TLE2: variants seen among roughly 807,000 people sequenced by gnomAD.
TLE2 encodes transducin-like enhancer protein 2.
Under a neutral mutation model 97.2 loss-of-function variants are expected in TLE2, and 74 were observed. That is an observed-to-expected ratio of 0.76 (90% CI 0.63 to 0.92). The LOEUF (loss-of-function observed/expected upper bound fraction) is 0.92. Among genes scored for constraint, TLE2 ranks in the 40% least tolerant of loss-of-function variants. The pLI is 0.00. For synonymous variants in TLE2, 499 were observed against 432.1 expected (o/e 1.15, Z -1.92); for missense variants, 1,038 against 1,008.7 (o/e 1.03, Z -0.39).
At chr19:3,003,757 T>C (rs1416185754) in intron 17 of TLE2, among the ~76,000 whole-genome samples, 4 of 151,850 alleles carry the variant, frequency 2.6e-5, no homozygotes, top group Admixed American at 6.6e-5. Flanking sequence ...CAGGCTGGAG[T>C]GCAGTGGTGC....
intron 19 of TLE2, among the ~76,000 whole-genome samples, chr19:3,000,184 G>A (rs2089323872): frequency 6.6e-6 from 1 of 151,150 alleles, no homozygotes; most frequent in Admixed American, 6.6e-5. Context: ...CCATTCTCCT[G>A]CCTCAGCCTC....
Position 3,008,874 on chromosome 19 carries a change from TC to T in TLE2, c.1244del (p.Gly415GlufsTer26), listed in dbSNP as rs1357564875. The T allele has an allele frequency of 1.3e-6, 2 of 1,581,290 alleles. No homozygotes were observed. The highest frequency in any genetic ancestry group is 1.4e-5 in the African/African-American group (1 of 73,908). On this transcript the variant is annotated frameshift_variant, in exon 14 of 20. Coordinates refer to ENST00000262953, the MANE Select transcript of TLE2 (RefSeq NM_003260.5). LOFTEE classifies it high-confidence loss of function. ...VSSSLPSIPG[G>X]KPAYSFHVSA... ...AGCCCCACCCTGGTACTCACGGCTT[TC>T]CCCCAGGGATGCTGGGTAGGGAGGA... is the stretch of plus-strand genomic sequence containing the variant.
At chr19:3,031,343 TGTGTGTG>T (rs1568252918), upstream of TLE2, among the ~76,000 whole-genome samples, 3 of 5,312 alleles carry the variant, frequency 5.6e-4, no homozygotes, top group Non-Finnish European at 1.2e-3. Flanking sequence ...AAGATACAAT[TGTGTGTG>T]TGTGTGTGTG....
chr19:3,020,080 C>G (rs776466836), intron 5 of TLE2: 29 of 364,674 alleles, frequency 8.0e-5, no homozygotes, highest in Non-Finnish European at 1.4e-4. Context: ...GCCAGGAGTT[C>G]GAGACCAGCC....
upstream of TLE2, among the ~76,000 whole-genome samples, chr19:3,046,912 T>TCTCCTCCTCCCC (rs1197310082): frequency 6.5e-5 from 2 of 30,890 alleles, no homozygotes; most frequent in Non-Finnish European, 1.4e-4. Context: ...CCCTCCTCCC[T>TCTCCTCCTCCCC]CTCCTCCTCC....
chr19:3,009,709 CG>C lies in TLE2; in HGVS notation c.1013-8del. On this transcript the variant is annotated splice_region_variant and splice_polypyrimidine_tract_variant and intron_variant, in intron 12 of 19. Coordinates refer to ENST00000262953, the MANE Select transcript of TLE2 (RefSeq NM_003260.5). Reference sequence around the variant, plus strand: ...GTCAGGGGGCTCCTCAGGGCTGAGACGGAAGAGTCGGGGACAGGTTTTGACG... The same window carrying C: ...GTCAGGGGGCTCCTCAGGGCTGAGACGAAGAGTCGGGGACAGGTTTTGACG... 1.2e-6 allele frequency: 2 copies of C among 1,606,104 alleles called. No homozygotes were observed. Among genetic ancestry groups the C allele is most frequent in the Non-Finnish European group, 1.7e-6 (2 of 1,176,812 alleles).
chr19:3,000,499 G>A, intron 19 of TLE2, 148 bp downstream of exon 19: 4 of 643,882 alleles, frequency 6.2e-6, no homozygotes, highest in Non-Finnish European at 1.1e-5. Flanking sequence ...TTTAGTACCT[G>A]GGCGGTAGGG....
chr19:3,008,745 C>T, intron 14 of TLE2, 124 bp downstream of exon 14: 2 of 704,066 alleles, frequency 2.8e-6, no homozygotes, highest in Non-Finnish European at 4.2e-6. Context: ...ACCACTGTGC[C>T]CGGCCCACAC....
Position 3,002,430 on chromosome 19 carries a change from A to G in TLE2, c.1970T>C (p.Leu657Pro). The change falls in exon 18 of 20, where the codon CTG (leucine) becomes CCG (proline). Residue 657 changes from leucine (L) to proline (P), a missense_variant. Leu to Pro is a moderately conservative substitution (Grantham distance 98). Transcript: ENST00000262953. ...VGMESSNVEI[L>P]HVRKPEKYQL... ...GTATTTCTCCGGCTTGCGGACGTGC[A>G]GGATCTCCACGTTGCTACTCTCCAT... 1.2e-6 allele frequency: 2 copies of G among 1,613,108 alleles called. No individual in the cohort carries two copies. The highest frequency in any genetic ancestry group is 1.7e-6 in the Non-Finnish European group (2 of 1,179,596).
intron 1 of TLE2, among the ~76,000 whole-genome samples, chr19:3,045,056 A>C (rs191728352): frequency 6.6e-6 from 1 of 150,884 alleles, no homozygotes; most frequent in East Asian, 2.0e-4. Flanking sequence ...TGTCCCTACA[A>C]AAAAAAAATT....
chr19:3,025,902 C>A (rs138456025), intron 4 of TLE2, among the ~76,000 whole-genome samples: 1,757 of 152,196 alleles, frequency 0.012, 37 homozygotes, highest in African/African-American at 0.04. Flanking sequence ...CCAACAGAAC[C>A]CCCACACATG....
At chr19:3,031,368 G>GTA (rs1052234291), upstream of TLE2, among the ~76,000 whole-genome samples, 1 of 107,818 alleles carries the variant, frequency 9.3e-6, no homozygotes, top group Non-Finnish European at 2.1e-5. Context: ...GTGTGTGTGT[G>GTA]TGTGTGTGTG....
chr19:3,025,091 A>G lies in TLE2; in HGVS notation c.232-9T>C. The G allele has an allele frequency of 6.2e-7, 1 of 1,601,678 alleles. No individual in the cohort carries two copies. Among genetic ancestry groups the G allele is most frequent in the African/African-American group, 1.3e-5 (1 of 74,754 alleles). On this transcript the variant is annotated splice_polypyrimidine_tract_variant and intron_variant, in intron 4 of 19. Coordinates refer to ENST00000262953, the MANE Select transcript of TLE2 (RefSeq NM_003260.5). ...CGCTTCACAATCTCCGCCTGGCAGG[A>G]AGCAATGAGAGGAAGCTTGGAGCGG...
At chr19:3,041,019 T>A (rs1164134053) in intron 1 of TLE2, among the ~76,000 whole-genome samples, 265 of 45,830 alleles carry the variant, frequency 5.8e-3, no homozygotes, top group East Asian at 0.013. Flanking sequence ...ATATATTTTT[T>A]TTTTTTTTTT....
rs117643833 is a variant in TLE2 at position 3,041,866 on chromosome 19, C to T, written c.63+3860G>A. On this transcript the variant is annotated intron_variant, in intron 1 of 18. Coordinates refer to the TLE2 transcript ENST00000426948. ...AGCCAGGCCCAGAGAGGCCTAGGGA[C>T]CTGCCCACGGTCACACAGCCACGCG... Among the ~76,000 whole-genome samples the T allele has an allele frequency of 1.1e-3, 170 of 152,278 alleles. 7 individuals carry two copies. The East Asian group carries it at 0.03, about 27-fold the overall frequency.
At chr19:3,032,434 C>T (rs1476025197), upstream of TLE2, among the ~76,000 whole-genome samples, 2 of 152,054 alleles carry the variant, frequency 1.3e-5, no homozygotes, top group Non-Finnish European at 2.9e-5. This position sits in a 1 kb window ranked among gnomAD's most constrained non-coding sequence, Gnocchi z 4.1. Context: ...GACCGGCTTT[C>T]GCTATGTTGG....
intron 11 of TLE2, among the ~76,000 whole-genome samples, chr19:3,012,327 C>A (rs561287559): frequency 6.6e-6 from 1 of 152,120 alleles, no homozygotes; most frequent in Non-Finnish European, 1.5e-5. Context: ...GTGATCCTCC[C>A]GACTGAGCCT....
At chr19:3,047,238 C>T (rs1208730955), upstream of TLE2, among the ~76,000 whole-genome samples, 16 of 137,378 alleles carry the variant, frequency 1.2e-4, no homozygotes, top group East Asian at 3.6e-3. Flanking sequence ...GATCAATTAG[C>T]CGAGGTCGCC....
chr19:3,034,232 C>T (rs2090046839), upstream of TLE2, among the ~76,000 whole-genome samples: 1 of 152,016 alleles, frequency 6.6e-6, no homozygotes, highest in African/African-American at 2.4e-5. Flanking sequence ...CAGCCCCCAC[C>T]CTGACCAGGC....
Sources: allele counts gnomAD v4.1 joint callset (sites outside exome capture counted in the v4.1 genomes callset), GRCh38; gene constraint gnomAD v4.1.1; non-coding constraint Gnocchi (gnomAD v3.1); transcripts MANE v1.5; gene names NCBI Gene and HGNC (gene_info 2026-07-23, HGNC 2026-07-21).